The following FRY variants were observed in gnomAD, a reference collection of about 807,000 sequenced individuals.
FRY encodes FRY microtubule binding protein.
FRY carries 128 observed loss-of-function variants against 348.4 expected under a neutral mutation model. That is an observed-to-expected ratio of 0.37 (90% CI 0.32 to 0.43). FRY has a LOEUF of 0.43. Among genes scored for constraint, FRY ranks in the 20% least tolerant of loss-of-function variants. FRY has a pLI of 1.00. For missense variants in FRY, 2,736 were observed against 3,695.2 expected (o/e 0.74, Z 6.73); for synonymous variants, 1,370 against 1,374.7 (o/e 1.00, Z 0.08).
At chr13:32,156,204 A>T (rs1453976214) in intron 15 of FRY, among the ~76,000 whole-genome samples, 1 of 152,228 alleles carries the variant, frequency 6.6e-6, no homozygotes, top group Non-Finnish European at 1.5e-5. Context: ...CACCTACTAC[A>T]AACTTTATTA....
Position 32,285,077 on chromosome 13 carries a change from A to G in FRY, c.8470-4556A>G, listed in dbSNP as rs116882659. On this transcript the variant is annotated intron_variant, in intron 58 of 60. Transcript: ENST00000542859. The stretch of plus-strand genomic sequence containing the variant: ...AATCCAATTTTATAAATCAAGCCAT[A>G]TCAGGAGAGCAGGAAGGGGGCTTGA... 4.3e-3 allele frequency among the ~76,000 whole-genome samples: 652 copies of G among 152,324 alleles called. 3 individuals carry two copies. The highest frequency in any genetic ancestry group is 0.018 in the South Asian group (85 of 4,822).
At chr13:32,210,785 C>G in intron 33 of FRY, 81 bp from the exon 34 acceptor site, 1 of 1,143,156 alleles carries the variant, frequency 8.7e-7, no homozygotes, top group South Asian at 1.3e-5. Context: ...GACAACTTAT[C>G]TAAATGAGAG....
rs560691607 is a variant in FRY at position 32,196,030 on chromosome 13, G to C, written c.3746+1733G>C. On this transcript the variant is annotated intron_variant, in intron 29 of 60. Transcript: ENST00000542859. ...TCTAGACAGGCCTCCAGAGAGGCTT[G>C]AGCAGTCATTGTGCTTGAGTTTGCA... Among the ~76,000 whole-genome samples the C allele has an allele frequency of 3.3e-5, 5 of 152,256 alleles. No homozygotes were observed. The South Asian group carries it at 1.0e-3, about 32-fold the overall frequency.
intron 46 of FRY, among the ~76,000 whole-genome samples, chr13:32,242,082 T>C (rs1886540374): frequency 6.6e-6 from 1 of 152,240 alleles, no homozygotes; most frequent in Admixed American, 6.5e-5. Context: ...GGTAACACAG[T>C]TTGCTTAACC....
At chr13:32,236,249 A>G (rs1886220960) in intron 43 of FRY, 77 bp downstream of exon 43, 1 of 1,070,438 alleles carries the variant, frequency 9.3e-7, no homozygotes, top group Non-Finnish European at 1.4e-6. Context: ...ACTTTAGGAA[A>G]AGTACAAAGA....
At chr13:32,270,573 A>T (rs1888153285) in intron 55 of FRY, among the ~76,000 whole-genome samples, 1 of 152,216 alleles carries the variant, frequency 6.6e-6, no homozygotes, top group South Asian at 2.1e-4. Context: ...GGTCATTTTT[A>T]TTAGAGTTAT....
Position 32,282,026 on chromosome 13 carries a change from T to A in FRY, c.8469+3478T>A, listed in dbSNP as rs145599131. 1.2e-3 allele frequency among the ~76,000 whole-genome samples: 183 copies of A among 152,284 alleles called. 1 individual carries two copies. In the East Asian group the frequency reaches 0.031, roughly 25 times the overall value. ...ACTCGACAAGGCCGGAAATGGGCTG[T>A]GAGAGAAAACTGAGTCCTTACACAC... On this transcript the variant is annotated intron_variant, in intron 58 of 60. Transcript: ENST00000542859.
At chr13:32,139,966 A>G (rs1054545598) in intron 11 of FRY, among the ~76,000 whole-genome samples, 2 of 152,126 alleles carry the variant, frequency 1.3e-5, no homozygotes, top group African/African-American at 4.8e-5. Context: ...AAATGAAATG[A>G]TGTTCATAAT....
chr13:32,172,609 G>A (rs918046787), intron 18 of FRY, among the ~76,000 whole-genome samples: 3 of 152,176 alleles, frequency 2.0e-5, no homozygotes, highest in African/African-American at 7.2e-5. Context: ...TGAGCAGATG[G>A]AGAAAGGGGT....
chr13:32,248,106 G>A (rs1886895676), intron 48 of FRY, among the ~76,000 whole-genome samples: 1 of 152,088 alleles, frequency 6.6e-6, no homozygotes, highest in African/African-American at 2.4e-5. Context: ...TGAAGTCTAA[G>A]GTATAAAATA....
intron 24 of FRY, among the ~76,000 whole-genome samples, chr13:32,183,573 C>A (rs890405490): frequency 6.6e-6 from 1 of 151,958 alleles, no homozygotes. Context: ...GTCAAGAGAT[C>A]GAGACCATCC....
chr13:32,276,499 C>T lies in FRY; in HGVS notation c.8322C>T (p.Phe2774=), dbSNP rs1756851236. The change falls in exon 57 of 61, where the codon TTC becomes TTT. Residue 2774 remains phenylalanine (F), a synonymous_variant. Coordinates refer to ENST00000542859, the MANE Select transcript of FRY (RefSeq NM_023037.3). ...GTGGACTTCTGGACAAGCTCAAGTT[C>T]AGTGTGTTAGAACTGCAAGAATATT... is the stretch of plus-strand genomic sequence containing the variant. ...LSCGLLDKLK[F]SVLELQEYLD... 2 of 1,604,838 alleles carry T rather than the reference C, an allele frequency of 1.2e-6. No individual in the cohort carries two copies. Among genetic ancestry groups the T allele is most frequent in the African/African-American group, 2.7e-5 (2 of 74,886 alleles).
chr13:32,122,290 A>G (rs1878709598), intron 4 of FRY, among the ~76,000 whole-genome samples: 1 of 151,890 alleles, frequency 6.6e-6, no homozygotes, highest in South Asian at 2.1e-4. Flanking sequence ...AAAAATACAA[A>G]AAATTAGCTG....
At chr13:32,261,920 T>C in intron 52 of FRY, 104 bp downstream of exon 52, 1 of 1,062,602 alleles carries the variant, frequency 9.4e-7, no homozygotes, top group Non-Finnish European at 1.4e-6. Flanking sequence ...CCACAGCTGC[T>C]GAACTAAAAT....
At chr13:32,053,027 C>T (rs544791061) in intron 1 of FRY, among the ~76,000 whole-genome samples, 13 of 151,972 alleles carry the variant, frequency 8.6e-5, no homozygotes, top group African/African-American at 2.7e-4. Flanking sequence ...GCAGGAGAAT[C>T]GCTTGAACCC....
Position 32,166,096 on chromosome 13 carries a change from T to C in FRY, c.1892+4845T>C, listed in dbSNP as rs1462173747. Among the ~76,000 whole-genome samples the C allele has an allele frequency of 3.3e-5, 5 of 152,060 alleles. No homozygotes were observed. In the East Asian group the frequency reaches 9.6e-4, roughly 29 times the overall value. On this transcript the variant is annotated intron_variant, in intron 17 of 60. Transcript: ENST00000542859. ...CCTGCTTAGTGCTCCTGATCCCAGC[T>C]GCCTGGGAGGGGCAGCTGCAACTGG...
chr13:32,038,252 A>G (rs143705772), intron 1 of FRY, among the ~76,000 whole-genome samples: 3 of 152,314 alleles, frequency 2.0e-5, no homozygotes, highest in African/African-American at 7.2e-5. Context: ...CGTCCATGGT[A>G]TTTACCTTCA....
In FRY at chr13:32,239,896, T is replaced by G. The variant is rs184524952; in HGVS notation, c.6687+15T>G. 1.9e-3 allele frequency: 3,126 copies of G among 1,612,108 alleles called. 6 individuals are homozygous for G. The highest frequency in any genetic ancestry group is 2.4e-3 in the Non-Finnish European group (2,851 of 1,178,812). ...ACCTGGCAGAGGTAAGCTTTTTTTT[T>G]TTGTTTTTTGAGACAGGGTCTCATT... On this transcript the variant is annotated intron_variant, in intron 46 of 60. Transcript: ENST00000542859. This position sits in a 1 kb window ranked among gnomAD's most constrained non-coding sequence, Gnocchi z 4.3.
At chr13:32,156,343 C>T (rs986838630) in intron 15 of FRY, among the ~76,000 whole-genome samples, 2 of 152,174 alleles carry the variant, frequency 1.3e-5, no homozygotes, top group Non-Finnish European at 2.9e-5. Flanking sequence ...CGCAGTGGCT[C>T]ACGCCTGTAA....
Sources: gnomAD v4.1 joint callset for allele counts (sites outside exome capture counted in the v4.1 genomes callset) on GRCh38, gnomAD v4.1.1 for gene constraint, Gnocchi (gnomAD v3.1) non-coding constraint, MANE v1.5 for transcripts, NCBI Gene and HGNC (gene_info 2026-07-23, HGNC 2026-07-21) for gene names.